Variants in ATP10B observed in about 807,000 individuals in gnomAD.
ATP10B encodes the protein ATPase phospholipid transporting 10B (putative), also known as phospholipid-transporting ATPase VB.
A neutral mutation model predicts 141.2 loss-of-function variants in ATP10B; 122 were observed. The observed-to-expected ratio is 0.86, with a 90% CI of 0.75 to 1.00. The LOEUF (loss-of-function observed/expected upper bound fraction) is 1.00, where lower values mean the gene tolerates loss of function less well. Ranked by LOEUF, ATP10B falls within the 50% of genes least tolerant of loss-of-function variation. ATP10B has a pLI of 0.00. For synonymous variants in ATP10B, 685 were observed against 692.0 expected (o/e 0.99, Z 0.16); for missense variants, 1,876 against 1,825.3 (o/e 1.03, Z -0.51).
intron 1 of ATP10B, among the ~76,000 whole-genome samples, chr5:160,805,657 A>G (rs999276907): frequency 1.3e-5 from 2 of 152,068 alleles, no homozygotes; most frequent in South Asian, 2.1e-4. Context: ...GTGAAATGTG[A>G]GGCACTTAAG....
intron 2 of ATP10B, among the ~76,000 whole-genome samples, chr5:160,746,700 T>C (rs1767830038): frequency 6.6e-6 from 1 of 152,190 alleles, no homozygotes; most frequent in Non-Finnish European, 1.5e-5. Flanking sequence ...TCTTTCAATT[T>C]TCCAACGTGT....
the ATP10B span, among the ~76,000 whole-genome samples, chr5:160,875,243 GAAAAT>G: frequency 2.9e-4 from 20 of 69,324 alleles, 1 homozygote; most frequent in Admixed American, 9.6e-4. Flanking sequence ...CATTCTTAAA[GAAAAT>G]AATTTTCAAC....
At chr5:160,734,377 C>T (rs1389496408) in intron 2 of ATP10B, among the ~76,000 whole-genome samples, 1 of 151,804 alleles carries the variant, frequency 6.6e-6, no homozygotes, top group African/African-American at 2.4e-5. Context: ...GTACATGTGC[C>T]TATTTAAAAC....
intron 3 of ATP10B, among the ~76,000 whole-genome samples, chr5:160,690,563 C>T (rs1764017445): frequency 6.6e-6 from 1 of 152,142 alleles, no homozygotes; most frequent in South Asian, 2.1e-4. Context: ...ACAGACACTT[C>T]TCAAAAGACG....
the ATP10B span, among the ~76,000 whole-genome samples, chr5:160,863,205 C>G: frequency 6.6e-6 from 1 of 151,862 alleles, no homozygotes; most frequent in Non-Finnish European, 1.5e-5. Flanking sequence ...TTATGGAAGA[C>G]AGGGATAATA....
chr5:160,826,593 A>G (rs1774619936), intron 1 of ATP10B, among the ~76,000 whole-genome samples: 1 of 152,200 alleles, frequency 6.6e-6, no homozygotes, highest in Non-Finnish European at 1.5e-5. Flanking sequence ...TAGCGAGGGA[A>G]GACAACCATA....
chr5:160,623,672 T>A (rs1322721961), intron 13 of ATP10B, among the ~76,000 whole-genome samples: 1 of 152,174 alleles, frequency 6.6e-6, no homozygotes, highest in Non-Finnish European at 1.5e-5. Flanking sequence ...TTGACCTATA[T>A]GTTATTTGTT....
intron 3 of ATP10B, among the ~76,000 whole-genome samples, chr5:160,700,354 T>A (rs1764601877): frequency 6.6e-6 from 1 of 152,196 alleles, no homozygotes; most frequent in South Asian, 2.1e-4. Flanking sequence ...AATGGGAGAA[T>A]TGGACTAAGT....
chr5:160,927,858 G>A, the ATP10B span, among the ~76,000 whole-genome samples: 3 of 152,358 alleles, frequency 2.0e-5, no homozygotes, highest in Admixed American at 6.5e-5. Context: ...AGGAATTGGG[G>A]GCAGTATTTT....
intron 6 of ATP10B, among the ~76,000 whole-genome samples, chr5:160,673,489 G>A (rs1002591754): frequency 9.2e-5 from 14 of 151,492 alleles, no homozygotes; most frequent in East Asian, 1.9e-4. Context: ...TATAGTCACC[G>A]TTGTACTATC....
the ATP10B span, among the ~76,000 whole-genome samples, chr5:160,872,889 TG>T: frequency 6.6e-6 from 1 of 151,238 alleles, no homozygotes; most frequent in South Asian, 2.1e-4. Context: ...ATTTTAGAAT[TG>T]TTTTTTCTAC....
At chr5:160,793,877 A>T (rs1771766039) in intron 1 of ATP10B, among the ~76,000 whole-genome samples, 1 of 152,206 alleles carries the variant, frequency 6.6e-6, no homozygotes, top group Non-Finnish European at 1.5e-5. Flanking sequence ...ATTGTCTTAC[A>T]ATTACCTACA....
At chr5:160,635,824 C>T (rs1421070975) in intron 11 of ATP10B, among the ~76,000 whole-genome samples, 1 of 152,212 alleles carries the variant, frequency 6.6e-6, no homozygotes, top group Non-Finnish European at 1.5e-5. Flanking sequence ...AGAGAGTTCT[C>T]TGTCGCTCAC....
intron 21 of ATP10B, 106 bp downstream of exon 21, chr5:160,602,471 A>G (rs1757145703): frequency 6.8e-7 from 1 of 1,476,066 alleles, no homozygotes; most frequent in Non-Finnish European, 9.3e-7. Flanking sequence ...TGCCAGCCTG[A>G]CTCCTTCCTT....
At chr5:160,618,760 G>A (rs1004324258) in intron 15 of ATP10B, among the ~76,000 whole-genome samples, 5 of 152,106 alleles carry the variant, frequency 3.3e-5, no homozygotes, top group Non-Finnish European at 7.3e-5. Context: ...TGGGATTGAT[G>A]CCATCAGCAC....
Position 160,829,701 on chromosome 5 carries a change from T to C in ATP10B, c.-576+22240A>G, listed in dbSNP as rs111272623. 9.3e-3 allele frequency among the ~76,000 whole-genome samples: 1,420 copies of C among 152,222 alleles called. 17 individuals are homozygous for C. The highest frequency in any genetic ancestry group is 0.011 in the Non-Finnish European group (744 of 67,990). ...ATTCGTTAGCTGGATTTCTGGGTAT[T>C]TCACTTTTTTTGTGGTATTTTAAAT... On this transcript the variant is annotated intron_variant, in intron 1 of 25. Transcript: ENST00000327245.
chr5:160,622,650 A>C, intron 13 of ATP10B, 65 bp from the exon 14 acceptor site: 1 of 1,427,292 alleles, frequency 7.0e-7, no homozygotes, highest in Non-Finnish European at 9.6e-7. Flanking sequence ...AAGAATCTTC[A>C]CATGCCTGGG....
At chr5:160,775,094 C>T (rs541260963) in intron 2 of ATP10B, among the ~76,000 whole-genome samples, 1 of 152,194 alleles carries the variant, frequency 6.6e-6, no homozygotes, top group African/African-American at 2.4e-5. Flanking sequence ...CAACTCTGTT[C>T]GTGATCTGTA....
intron 7 of ATP10B, among the ~76,000 whole-genome samples, chr5:160,663,906 GT>G (rs759264889): frequency 5.3e-5 from 8 of 152,076 alleles, no homozygotes; most frequent in Non-Finnish European, 1.0e-4. Flanking sequence ...TGCCTCATTT[GT>G]TAAATAGATA....
Sources: gnomAD v4.1 joint callset for allele counts (sites outside exome capture counted in the v4.1 genomes callset) on GRCh38, gnomAD v4.1.1 for gene constraint, MANE v1.5 for transcripts, NCBI Gene and HGNC (gene_info 2026-07-23, HGNC 2026-07-21) for gene names.